Variants in HEPACAM2 observed in about 807,000 individuals in gnomAD.
HEPACAM2 encodes the protein HEPACAM family member 2.
HEPACAM2 carries 49 observed loss-of-function variants against 49.6 expected under a neutral mutation model. The observed-to-expected ratio is 0.99, with a 90% CI of 0.78 to 1.25. The LOEUF (loss-of-function observed/expected upper bound fraction) is 1.25, where lower values mean the gene tolerates loss of function less well. Ranked by LOEUF, HEPACAM2 falls within the 50% of genes most tolerant of loss-of-function variation. The pLI is 0.00. For synonymous variants in HEPACAM2, 197 were observed against 202.9 expected (o/e 0.97, Z 0.25); for missense variants, 525 against 557.2 (o/e 0.94, Z 0.58).
At chr7:93,192,941 A>G (rs978322369) in intron 8 of HEPACAM2, among the ~76,000 whole-genome samples, 2 of 152,128 alleles carry the variant, frequency 1.3e-5, no homozygotes, top group Non-Finnish European at 2.9e-5. Flanking sequence ...TAGTGTATTT[A>G]TGGCTGGTAA....
chr7:93,202,598 C>A (rs140777375), intron 4 of HEPACAM2, among the ~76,000 whole-genome samples: 161 of 152,224 alleles, frequency 1.1e-3, no homozygotes, highest in African/African-American at 3.7e-3. Context: ...AATTCTATAA[C>A]CCCTGAAGAC....
In HEPACAM2 at chr7:93,219,266, C is replaced by T. The variant is rs769990226; in HGVS notation, c.265G>A (p.Val89Ile). 5 of 1,613,848 alleles carry T rather than the reference C, an allele frequency of 3.1e-6. No individual in the cohort carries two copies. The part of the protein sequence containing the change: ...YLLGSVNKSV[V>I]PDLEYQHKFT... ...TTGTGTTGGTATTCCAAGTCAGGAA[C>T]CACAGACTTATTCACAGAGCCCAGT... Residue 89 changes from valine (V) to isoleucine (I), a missense_variant, in exon 2 of 10, where the codon GTT becomes ATT. Val to Ile is a conservative substitution (Grantham distance 29). Coordinates refer to ENST00000394468, the MANE Select transcript of HEPACAM2 (RefSeq NM_001039372.4).
chr7:93,228,848 T>C (rs1794582534), upstream of HEPACAM2, among the ~76,000 whole-genome samples: 1 of 150,518 alleles, frequency 6.6e-6, no homozygotes, highest in South Asian at 2.1e-4. Context: ...TGGACACATA[T>C]ACTCCTGTGC....
rs752247118 is a variant in HEPACAM2 at position 93,219,109 on chromosome 7, G to A, written c.422C>T (p.Thr141Met). 1.5e-5 allele frequency: 25 copies of A among 1,613,344 alleles called. No individual in the cohort carries two copies. Among genetic ancestry groups the A allele is most frequent in the Admixed American group, 3.3e-5 (2 of 59,916 alleles). The stretch of plus-strand genomic sequence containing the variant: ...ACTCACAGGGGACTCACCATCAACC[G>A]TGACTTGTATCTTCTGACTGGCAGA... ...TLSASQKIQVTVDDPVTKPVV... is the reference protein window; with the variant it reads ...TLSASQKIQVMVDDPVTKPVV... Residue 141 changes from threonine (T) to methionine (M), a missense_variant, in exon 2 of 10, where the codon ACG becomes ATG. Transcript: ENST00000394468.
At chr7:93,226,699 C>G (rs1038855700), upstream of HEPACAM2, among the ~76,000 whole-genome samples, 1 of 152,112 alleles carries the variant, frequency 6.6e-6, no homozygotes, top group Admixed American at 6.5e-5. Flanking sequence ...ATAAATTATA[C>G]TTAGTTATTA....
intron 2 of HEPACAM2, 96 bp downstream of exon 2, chr7:93,219,005 T>G: frequency 9.9e-7 from 1 of 1,010,922 alleles, no homozygotes; most frequent in East Asian, 2.4e-5. Context: ...TGCAAAGTTG[T>G]GAAGCCAAGA....
At position 93,192,376 on chromosome 7, in the gene HEPACAM2, A is replaced by T. The variant is rs1012694874; in HGVS notation, c.1276-13T>A. 1.3e-5 allele frequency: 20 copies of T among 1,583,152 alleles called. No individual in the cohort carries two copies. The highest frequency in any genetic ancestry group is 1.7e-5 in the Non-Finnish European group (20 of 1,154,630). ...ACCTGCTTGGGATCTAGAAAATGTG[A>T]TACATTAAAAATAAATTATCTCAAG... On this transcript the variant is annotated splice_polypyrimidine_tract_variant and intron_variant, in intron 8 of 9. Transcript: ENST00000394468.
chr7:93,219,102 A>G lies in HEPACAM2; in HGVS notation c.429T>C (p.Asp143=), dbSNP rs1007392574. The change falls in exon 2 of 10, where the codon GAT becomes GAC. Residue 143 remains aspartate, a splice_region_variant and synonymous_variant. Coordinates refer to ENST00000394468, the MANE Select transcript of HEPACAM2 (RefSeq NM_001039372.4). ...SASQKIQVTV[D]DPVTKPVVQI... Reference sequence around the variant, plus strand: ...CTCGTACACTCACAGGGGACTCACCATCAACCGTGACTTGTATCTTCTGAC... The same window carrying G: ...CTCGTACACTCACAGGGGACTCACCGTCAACCGTGACTTGTATCTTCTGAC... 4.3e-6 allele frequency: 7 copies of G among 1,613,048 alleles called. No homozygotes were observed. The African/African-American group carries it at 9.3e-5, about 22-fold the overall frequency.
intron 1 of HEPACAM2, among the ~76,000 whole-genome samples, chr7:93,222,313 A>C (rs1299289752): frequency 6.6e-6 from 1 of 152,184 alleles, no homozygotes; most frequent in African/African-American, 2.4e-5. Flanking sequence ...GCGACAACAA[A>C]AAAAAATAGG....
intron 3 of HEPACAM2, among the ~76,000 whole-genome samples, chr7:93,211,039 T>C (rs1159992318): frequency 1.3e-5 from 2 of 152,050 alleles, no homozygotes; most frequent in African/African-American, 4.8e-5. Context: ...AATCCCAAGT[T>C]TGCAGATTCC....
Position 93,219,145 on chromosome 7 carries a change from T to G in HEPACAM2, c.386A>C (p.Asn129Thr). 1 of 1,613,926 alleles carries G rather than the reference T, an allele frequency of 6.2e-7. No homozygotes were observed. Among genetic ancestry groups the G allele is most frequent in the Non-Finnish European group, 8.5e-7 (1 of 1,179,888 alleles). The stretch of plus-strand genomic sequence containing the variant: ...CTTCTGACTGGCAGATAGAGTTCCA[T>G]TTCCCTGAATGTTGACCTTCACGAT... ...NYIVKVNIQG[N>T]GTLSASQKIQ... The change falls in exon 2 of 10, where the codon AAT becomes ACT. Residue 129 changes from asparagine (N) to threonine (T), a missense_variant. By Grantham distance (65) the Asn-to-Thr change is moderately conservative (BLOSUM62 0). Transcript: ENST00000394468.
chr7:93,202,075 GAAAT>G (rs1793908727), intron 4 of HEPACAM2, among the ~76,000 whole-genome samples: 1 of 104,184 alleles, frequency 9.6e-6, no homozygotes, highest in Admixed American at 8.6e-5. Flanking sequence ...AAACTGGTAA[GAAAT>G]AAATAATAAA....
At chr7:93,213,143 T>G (rs1451781976) in intron 3 of HEPACAM2, among the ~76,000 whole-genome samples, 5 of 151,924 alleles carry the variant, frequency 3.3e-5, no homozygotes, top group Non-Finnish European at 7.4e-5. Flanking sequence ...TTTTCCCCTT[T>G]AATTTTTATC....
chr7:93,217,902 G>GTC (rs945078713), intron 2 of HEPACAM2, among the ~76,000 whole-genome samples: 1 of 151,650 alleles, frequency 6.6e-6, no homozygotes, highest in Non-Finnish European at 1.5e-5. Flanking sequence ...GTGTGTGTGT[G>GTC]TGTGTGTGTG....
In HEPACAM2 at chr7:93,200,434, C is replaced by T. The variant is rs571630001; in HGVS notation, c.1013-2824G>A. Among the ~76,000 whole-genome samples the T allele has an allele frequency of 2.0e-5, 3 of 152,226 alleles. No homozygotes were observed. The South Asian group carries it at 6.2e-4, about 32-fold the overall frequency. On this transcript the variant is annotated intron_variant, in intron 4 of 9. Transcript: ENST00000394468. ...ATTGATATAAACAAGAGCTAAGTCT[C>T]TACAACATATTTCTGGTCAGAAAAA...
At chr7:93,217,153 G>T (rs1794325149) in intron 2 of HEPACAM2, among the ~76,000 whole-genome samples, 1 of 152,090 alleles carries the variant, frequency 6.6e-6, no homozygotes, top group Non-Finnish European at 1.5e-5. Flanking sequence ...GATTTTAAAA[G>T]AAAAATAAAT....
Position 93,192,116 on chromosome 7 carries a change from G to A in HEPACAM2, c.1385+138C>T. On this transcript the variant is annotated intron_variant, in intron 9 of 9. Coordinates refer to ENST00000394468, the MANE Select transcript of HEPACAM2 (RefSeq NM_001039372.4). Reference sequence around the variant, plus strand: ...TTTCTCAAAATTATGCTCAGGTGGGGAAGTGTGTTCAAATGTACAGAAGCT... The same window carrying A: ...TTTCTCAAAATTATGCTCAGGTGGGAAAGTGTGTTCAAATGTACAGAAGCT... 5.4e-6 allele frequency: 3 copies of A among 560,548 alleles called. No individual in the cohort carries two copies. In the South Asian group the frequency reaches 8.0e-5, roughly 15 times the overall value. The allele number at this position is 560,548 out of a possible 1,614,324, so 34.7% of individuals were successfully genotyped here.
intron 4 of HEPACAM2, among the ~76,000 whole-genome samples, chr7:93,207,521 A>G (rs907518399): frequency 1.3e-5 from 2 of 151,898 alleles, no homozygotes; most frequent in Non-Finnish European, 2.9e-5. Context: ...TAAGTAAAGA[A>G]AGGCAAAAGA....
chr7:93,219,104 C>T lies in HEPACAM2; in HGVS notation c.427G>A (p.Asp143Asn). 2 of 1,613,078 alleles carry T rather than the reference C, an allele frequency of 1.2e-6. No homozygotes were observed. Among genetic ancestry groups the T allele is most frequent in the Non-Finnish European group, 1.7e-6 (2 of 1,179,330 alleles). Residue 143 changes from aspartate to asparagine, a missense_variant, in exon 2 of 10, where the codon GAT (aspartate) becomes AAT (asparagine). Asp to Asn is a conservative substitution (Grantham distance 23). Coordinates refer to ENST00000394468, the MANE Select transcript of HEPACAM2 (RefSeq NM_001039372.4). ...CGTACACTCACAGGGGACTCACCAT[C>T]AACCGTGACTTGTATCTTCTGACTG... ...SASQKIQVTVDDPVTKPVVQI... is the reference protein window; with the variant it reads ...SASQKIQVTVNDPVTKPVVQI...
Sources: gnomAD v4.1 joint callset for allele counts (sites outside exome capture counted in the v4.1 genomes callset) on GRCh38, gnomAD v4.1.1 for gene constraint, MANE v1.5 for transcripts, NCBI Gene and HGNC (gene_info 2026-07-23, HGNC 2026-07-21) for gene names.